Variants in MLYCD observed in about 807,000 individuals in gnomAD.
The protein encoded by MLYCD is malonyl-CoA decarboxylase, mitochondrial.
Under a neutral mutation model 35.8 loss-of-function variants are expected in MLYCD, and 27 were observed. That is an observed-to-expected ratio of 0.75 (90% CI 0.56 to 1.04). The LOEUF (loss-of-function observed/expected upper bound fraction) is 1.04, where lower values mean the gene tolerates loss of function less well. Ranked by LOEUF, MLYCD falls within the 50% of genes least tolerant of loss-of-function variation. The pLI, the probability that MLYCD is intolerant of heterozygous loss-of-function variation, is 0.00. For synonymous variants in MLYCD, 403 were observed against 302.4 expected (o/e 1.33, Z -3.45); for missense variants, 917 against 665.1 (o/e 1.38, Z -4.17).
At position 83,923,223 on chromosome 16, in the gene MLYCD, G is replaced by T. The variant is rs1288945217; in HGVS notation, c.*7734G>T. ...GCCTCAGAAGTGAGGGAATCTCAGTGCTCTGTGCAGGCATGTGCTTATTCT... is the reference window on the plus strand; with the variant it reads ...GCCTCAGAAGTGAGGGAATCTCAGTTCTCTGTGCAGGCATGTGCTTATTCT... On this transcript the variant is annotated 3_prime_UTR_variant, in exon 5 of 5. Transcript: ENST00000262430. 6.6e-6 allele frequency: 1 copy of T among 152,244 alleles called. No individual in the cohort carries two copies. The highest frequency in any genetic ancestry group is 1.5e-5 in the Non-Finnish European group (1 of 68,052). The allele number at this position is 152,244 out of a possible 1,614,324, so 9.4% of individuals were successfully genotyped here. A position where few individuals can be genotyped will look rare whatever the true frequency, so the allele number is the denominator to read the frequency against.
chr16:83,912,224 G>A lies in MLYCD; in HGVS notation c.805G>A (p.Val269Met), dbSNP rs371367725. The A allele has an allele frequency of 3.0e-5, 48 of 1,614,072 alleles. No homozygotes were observed. Among genetic ancestry groups the A allele is most frequent in the Non-Finnish European group, 3.6e-5 (42 of 1,180,044 alleles). ...CATCGTTGGTGTTTTCCAGGCAATC[G>A]TGAAGGAACATCCTCCATCAGAAAC... ...GDISSNIQAI[V>M]KEHPPSETEE... Residue 269 changes from valine (V) to methionine (M), a missense_variant, in exon 4 of 5, where the codon GTG becomes ATG. By Grantham distance (21) the Val-to-Met change is conservative. Transcript: ENST00000262430.
chr16:83,908,081 T>C, intron 2 of MLYCD, 45 bp from the exon 3 acceptor site: 1 of 1,612,640 alleles, frequency 6.2e-7, no homozygotes. Context: ...AGCCGTTGCT[T>C]GTGAATTATG....
At position 83,916,688 on chromosome 16, in the gene MLYCD, G is replaced by T. The variant is rs1342306968; in HGVS notation, c.*1199G>T. ...TGTGTGTCAGTGCACGTCTGTGTGCGTGTGCACGAGCGTCTCTGTGTGTAT... is the reference window on the plus strand; with the variant it reads ...TGTGTGTCAGTGCACGTCTGTGTGCTTGTGCACGAGCGTCTCTGTGTGTAT... On this transcript the variant is annotated 3_prime_UTR_variant, in exon 5 of 5. Transcript: ENST00000262430. 7.1e-6 allele frequency: 1 copy of T among 141,812 alleles called. No individual in the cohort carries two copies. The highest frequency in any genetic ancestry group is 7.2e-5 in the Admixed American group (1 of 13,892). The allele number at this position is 141,812 out of a possible 1,614,324, so 8.8% of individuals were successfully genotyped here.
rs1292357448 is a variant in MLYCD, at chr16:83,924,325, C to T, written c.*8836C>T. ...GTCTCTCCGGAGCAGTTGAGTAGAACAGCTGGCGTCACCTCTTCATGTTGA... is the reference window on the plus strand; with the variant it reads ...GTCTCTCCGGAGCAGTTGAGTAGAATAGCTGGCGTCACCTCTTCATGTTGA... On this transcript the variant is annotated 3_prime_UTR_variant, in exon 5 of 5. Transcript: ENST00000262430. The T allele has an allele frequency of 6.6e-6, 1 of 152,236 alleles. No individual in the cohort carries two copies. The highest frequency in any genetic ancestry group is 1.5e-5 in the Non-Finnish European group (1 of 68,124). 9.4% of individuals were successfully genotyped at this position (152,236 alleles called of 1,614,324 possible). A position where few individuals can be genotyped will look rare whatever the true frequency, so the allele number is the denominator to read the frequency against.
chr16:83,909,939 T>C (rs78463614), intron 3 of MLYCD, among the ~76,000 whole-genome samples: 11,075 of 152,026 alleles, frequency 0.073, 485 homozygotes, highest in East Asian at 0.11. Context: ...CCGGCTGATA[T>C]AGGTATTATT....
Position 83,915,052 on chromosome 16 carries a change from C to G in MLYCD, c.1045C>G (p.His349Asp), listed in dbSNP as rs1363583928. The stretch of plus-strand genomic sequence containing the variant: ...GCTTCTGAACTCGCAAACGAAGGAG[C>G]ATGGGAGGAATGAACTCTTTACAGA... ...LGLLNSQTKE[H>D]GRNELFTDSE... is the part of the protein sequence containing the mutation. The change falls in exon 5 of 5, where the codon CAT becomes GAT. Residue 349 changes from histidine (H) to aspartate (D), a missense_variant. His to Asp is a moderately conservative substitution (Grantham distance 81, BLOSUM62 -1). Coordinates refer to ENST00000262430, the MANE Select transcript of MLYCD (RefSeq NM_012213.3). 3 of 1,614,088 alleles carry G rather than the reference C, an allele frequency of 1.9e-6. No homozygotes were observed. Among genetic ancestry groups the G allele is most frequent in the African/African-American group, 1.3e-5 (1 of 74,928 alleles).
rs1420257949 is a variant in MLYCD at position 83,917,057 on chromosome 16, G to T, written c.*1568G>T. ...GCGTGTGCACAAGCGTCTCTGTGTG[G>T]ATCAGTGCACGTCTGTGTGCGTGTG... is the stretch of plus-strand genomic sequence containing the variant. On this transcript the variant is annotated 3_prime_UTR_variant, in exon 5 of 5. Transcript: ENST00000262430. The T allele has an allele frequency of 6.0e-5, 4 of 66,302 alleles. No individual in the cohort carries two copies. Among genetic ancestry groups the T allele is most frequent in the Admixed American group, 3.7e-4 (2 of 5,370 alleles). The allele number at this position is 66,302 out of a possible 1,614,324, so 4.1% of individuals were successfully genotyped here. A position where few individuals can be genotyped will look rare whatever the true frequency, so the allele number is the denominator to read the frequency against.
intron 2 of MLYCD, 64 bp downstream of exon 2, chr16:83,907,163 A>G (rs1907009066): frequency 2.9e-6 from 4 of 1,362,962 alleles, no homozygotes; most frequent in South Asian, 2.3e-5. Context: ...TGTATGTTTT[A>G]TATTGGCTAA....
rs1477091027 is a variant in MLYCD at position 83,926,202 on chromosome 16, CAG to C, written c.*10716_*10717del. 1 of 152,404 alleles carries C rather than the reference CAG, an allele frequency of 6.6e-6. No individual in the cohort carries two copies. 9.4% of individuals were successfully genotyped at this position (152,404 alleles called of 1,614,324 possible). On this transcript the variant is annotated 3_prime_UTR_variant, in exon 5 of 5. Coordinates refer to ENST00000262430, the MANE Select transcript of MLYCD (RefSeq NM_012213.3). ...TGCCGCTGGGGGTGCTGTGTGGGAA[CAG>C]AGCACAGGCCCTCCCTCCCAGAGCC...
At position 83,912,323 on chromosome 16, in the gene MLYCD, G is replaced by A. The variant is rs1391542291; in HGVS notation, c.904G>A (p.Glu302Lys). 3.1e-6 allele frequency: 5 copies of A among 1,614,086 alleles called. No homozygotes were observed. The highest frequency in any genetic ancestry group is 1.7e-5 in the Admixed American group (1 of 60,002). ...SLTQQGLQGV[E>K]LGTFLIKRVV... ...GACCCAGCAGGGACTCCAAGGGGTG[G>A]AGCTGGGAACATTCCTCATAAAGCG... Residue 302 changes from glutamate to lysine, a missense_variant, in exon 4 of 5, where the codon GAG (glutamate) becomes AAG (lysine). Coordinates refer to ENST00000262430, the MANE Select transcript of MLYCD (RefSeq NM_012213.3).
intron 4 of MLYCD, chr16:83,914,104 A>G (rs1174471101): frequency 6.6e-6 from 1 of 152,196 alleles, no homozygotes; most frequent in African/African-American, 2.4e-5. Context: ...GTGGAGTGTG[A>G]TGGTTTTATT....
Position 83,907,118 on chromosome 16 carries a change from A to T in MLYCD, c.641+19A>T, listed in dbSNP as rs1180385528. 2 of 1,578,306 alleles carry T rather than the reference A, an allele frequency of 1.3e-6. No individual in the cohort carries two copies. The highest frequency in any genetic ancestry group is 8.7e-7 in the Non-Finnish European group (1 of 1,147,406). On this transcript the variant is annotated intron_variant, in intron 2 of 4. Transcript: ENST00000262430. ...TCAGTGAGTAAGTATTACGGTTTTC[A>T]TTTTCTTTGTACATACATTTTTCAT...
chr16:83,901,181 C>G (rs899965557), intron 1 of MLYCD, among the ~76,000 whole-genome samples: 1 of 152,176 alleles, frequency 6.6e-6, no homozygotes, highest in African/African-American at 2.4e-5. Context: ...AATTGCATGA[C>G]ACAGAATCAG....
chr16:83,900,863 GGTT>G (rs1906760978), intron 1 of MLYCD, among the ~76,000 whole-genome samples: 1 of 152,190 alleles, frequency 6.6e-6, no homozygotes, highest in South Asian at 2.1e-4. Flanking sequence ...AACATGCTGA[GGTT>G]GTGTTACTTG....
At chr16:83,912,033 C>T in intron 3 of MLYCD, 185 bp from the exon 4 acceptor site, 1 of 795,566 alleles carries the variant, frequency 1.3e-6, no homozygotes, top group Non-Finnish European at 2.1e-6. Flanking sequence ...GGAGTCGCCT[C>T]CTCCAGAGAG....
chr16:83,905,579 G>A (rs1162455248), intron 1 of MLYCD, among the ~76,000 whole-genome samples: 1 of 152,164 alleles, frequency 6.6e-6, no homozygotes, highest in African/African-American at 2.4e-5. Context: ...CGTGGCCCAG[G>A]ATGGCTGCTC....
rs1267132273 is a variant in MLYCD at position 83,920,061 on chromosome 16, GCA to G, written c.*4575_*4576del. The G allele has an allele frequency of 6.6e-6, 1 of 151,980 alleles. No homozygotes were observed. The highest frequency in any genetic ancestry group is 6.6e-5 in the Admixed American group (1 of 15,222). 9.4% of individuals were successfully genotyped at this position (151,980 alleles called of 1,614,324 possible). On this transcript the variant is annotated 3_prime_UTR_variant, in exon 5 of 5. Transcript: ENST00000262430. ...CAGCGCACTGGAGAACACGCACAGTGCACAGGAGAACAGAGTGCACAGAACAC... is the reference window on the plus strand; with the variant it reads ...CAGCGCACTGGAGAACACGCACAGTGCAGGAGAACAGAGTGCACAGAACAC...
At chr16:83,913,511 G>A (rs34252403) in intron 4 of MLYCD, 2,366 of 152,458 alleles carry the variant, frequency 0.016, 31 homozygotes, top group Non-Finnish European at 0.024. Context: ...GCCCCTCTGC[G>A]TGGAGGCGCT....
chr16:83,911,372 G>A (rs539048174), intron 3 of MLYCD, among the ~76,000 whole-genome samples: 5 of 152,330 alleles, frequency 3.3e-5, no homozygotes, highest in African/African-American at 9.6e-5. Flanking sequence ...TTCCAGAATC[G>A]AAGGTCGCTG....
Sources: gnomAD v4.1 joint callset for allele counts (sites outside exome capture counted in the v4.1 genomes callset) on GRCh38, gnomAD v4.1.1 for gene constraint, MANE v1.5 for transcripts, NCBI Gene and HGNC (gene_info 2026-07-23, HGNC 2026-07-21) for gene names.